Variants in RBFOX1 observed in about 807,000 individuals in gnomAD.
RBFOX1 encodes RNA binding fox-1 homolog 1.
Under a neutral mutation model 57.7 loss-of-function variants are expected in RBFOX1, and 8 were observed. The ratio of observed to expected loss-of-function variants is 0.14; its 90% CI spans 0.08 to 0.25. The LOEUF (loss-of-function observed/expected upper bound fraction) is 0.25, where lower values mean the gene tolerates loss of function less well. Among genes scored for constraint, RBFOX1 ranks in the 10% least tolerant of loss-of-function variants. The pLI is 1.00. For missense variants in RBFOX1, 611 were observed against 548.5 expected, an observed-to-expected ratio of 1.11 and a Z score of -1.14; for synonymous variants, 326 against 222.4, an observed-to-expected ratio of 1.47 and a Z score of -4.15.
intron 3 of RBFOX1, among the ~76,000 whole-genome samples, chr16:6,875,131 T>G (rs2061603902): frequency 6.6e-6 from 1 of 152,184 alleles, no homozygotes; most frequent in African/African-American, 2.4e-5. Context: ...CTAAGTTGCT[T>G]ATACCATTTA....
rs149678766 is a variant in RBFOX1, at chr16:6,563,232, A to G, written c.-63-91371A>G. 8.6e-3 allele frequency among the ~76,000 whole-genome samples: 1,307 copies of G among 152,230 alleles called. 23 individuals are homozygous for G. The highest frequency in any genetic ancestry group is 0.029 in the African/African-American group (1,224 of 41,548). The stretch of plus-strand genomic sequence containing the variant: ...ACTGCGTGACTTCCAAGACAATTTT[A>G]GCATCCTGTGCAACACGCATGAGAT... On this transcript the variant is annotated intron_variant, in intron 2 of 15. Transcript: ENST00000550418.
At chr16:6,545,130 C>G (rs922606950) in intron 2 of RBFOX1, among the ~76,000 whole-genome samples, 1 of 152,134 alleles carries the variant, frequency 6.6e-6, no homozygotes, top group Non-Finnish European at 1.5e-5. Flanking sequence ...AATCCGCGTA[C>G]TTTTTCCCTA....
intron 2 of RBFOX1, among the ~76,000 whole-genome samples, chr16:6,460,921 G>C (rs1447504079): frequency 6.6e-6 from 1 of 151,686 alleles, no homozygotes; most frequent in Non-Finnish European, 1.5e-5. Context: ...ATACTATGCA[G>C]CCATAAAAAG....
At chr16:5,749,845 T>C (rs536312524) in intron 3 of RBFOX1, among the ~76,000 whole-genome samples, 3 of 152,332 alleles carry the variant, frequency 2.0e-5, no homozygotes, top group African/African-American at 4.8e-5. Flanking sequence ...TTTGATCGTC[T>C]GAAGCCTTCT....
chr16:5,535,893 C>A (rs870289), intron 2 of RBFOX1, among the ~76,000 whole-genome samples: 1 of 151,638 alleles, frequency 6.6e-6, no homozygotes, highest in African/African-American at 2.4e-5. Flanking sequence ...GAGGGGCGTA[C>A]TGTAAGAGTC....
chr16:7,556,685 C>T (rs1233011776), intron 5 of RBFOX1, among the ~76,000 whole-genome samples: 2 of 152,166 alleles, frequency 1.3e-5, no homozygotes, highest in East Asian at 3.9e-4. Flanking sequence ...CTCCTATCTG[C>T]TAGCTATATG....
chr16:6,946,280 A>G (rs1405270169), intron 3 of RBFOX1, among the ~76,000 whole-genome samples: 1 of 152,224 alleles, frequency 6.6e-6, no homozygotes, highest in East Asian at 1.9e-4. Context: ...GCCATAGACA[A>G]TAACATATGG....
At position 6,280,809 on chromosome 16, in the gene RBFOX1, A is replaced by G. The variant is rs549157209; in HGVS notation, c.-126-36186A>G. On this transcript the variant is annotated intron_variant, in intron 1 of 15. Transcript: ENST00000550418. The stretch of plus-strand genomic sequence containing the variant: ...ACACTGAACAGGGGCTTGCTTACCA[A>G]CAGAAAATCCCGAGGACACATACTA... Among the ~76,000 whole-genome samples, 39 of 152,138 alleles carry G rather than the reference A, an allele frequency of 2.6e-4. No homozygotes were observed. In the South Asian group the frequency reaches 7.9e-3, roughly 31 times the overall value.
chr16:5,610,230 C>G (rs1411982530), intron 3 of RBFOX1: 2 of 152,270 alleles, frequency 1.3e-5, no homozygotes, highest in Admixed American at 6.5e-5. Flanking sequence ...TATGCCTGTG[C>G]CTGCATGTAA....
At chr16:5,634,551 C>G (rs1471394245) in intron 3 of RBFOX1, among the ~76,000 whole-genome samples, 2 of 152,042 alleles carry the variant, frequency 1.3e-5, no homozygotes, top group Non-Finnish European at 2.9e-5. Flanking sequence ...ATATCTATCC[C>G]TTCTGGAATT....
intron 1 of RBFOX1, among the ~76,000 whole-genome samples, chr16:5,345,935 C>A (rs866483233): frequency 6.6e-6 from 1 of 152,204 alleles, no homozygotes; most frequent in Non-Finnish European, 1.5e-5. Flanking sequence ...AGAAACCCTG[C>A]TAATTATGCC....
At chr16:7,199,023 G>C (rs528735379) in intron 4 of RBFOX1, among the ~76,000 whole-genome samples, 2 of 152,254 alleles carry the variant, frequency 1.3e-5, no homozygotes, top group Admixed American at 1.3e-4. Context: ...CAAGCACCAG[G>C]ACTGAGTTTC....
At chr16:6,742,815 A>G (rs1052512240) in intron 3 of RBFOX1, among the ~76,000 whole-genome samples, 4 of 152,170 alleles carry the variant, frequency 2.6e-5, no homozygotes, top group African/African-American at 4.8e-5. Context: ...CATAGTTGCC[A>G]GTATGGTGGG....
At chr16:6,456,620 G>T (rs1212413547) in intron 2 of RBFOX1, among the ~76,000 whole-genome samples, 6 of 152,196 alleles carry the variant, frequency 3.9e-5, no homozygotes, top group Non-Finnish European at 7.3e-5. Flanking sequence ...TCCCTGCAGT[G>T]TGGAGAATGG....
At position 6,831,928 on chromosome 16, in the gene RBFOX1, C is replaced by G. The variant is rs2092736983; in HGVS notation, c.-16+177278C>G. 2.0e-5 allele frequency among the ~76,000 whole-genome samples: 3 copies of G among 152,138 alleles called. No homozygotes were observed. The South Asian group carries it at 6.2e-4, about 31-fold the overall frequency. On this transcript the variant is annotated intron_variant, in intron 3 of 15. Coordinates refer to ENST00000550418, the MANE Select transcript of RBFOX1 (RefSeq NM_018723.4). ...TCTGACGAAGAACTTACAGTTCTCT[C>G]TAAAGGGGTGGAATAAAATTGCTAT...
intron 2 of RBFOX1, among the ~76,000 whole-genome samples, chr16:5,595,055 A>G (rs1036073957): frequency 6.6e-6 from 1 of 150,818 alleles, no homozygotes; most frequent in Non-Finnish European, 1.5e-5. Context: ...CTGAGGCAGG[A>G]GAATTGTTTG....
At chr16:5,461,669 G>T (rs1013980419) in intron 1 of RBFOX1, among the ~76,000 whole-genome samples, 3 of 152,122 alleles carry the variant, frequency 2.0e-5, no homozygotes, top group Non-Finnish European at 4.4e-5. Context: ...AATAGACCTG[G>T]TGGCCACGGT....
intron 2 of RBFOX1, among the ~76,000 whole-genome samples, chr16:6,612,151 CTTTTA>C (rs563957198): frequency 4.8e-4 from 73 of 152,216 alleles, no homozygotes; most frequent in African/African-American, 1.6e-3. Flanking sequence ...ATTTGCTCAT[CTTTTA>C]TTTTCTGTTT....
intron 5 of RBFOX1, among the ~76,000 whole-genome samples, chr16:7,552,254 C>T (rs1483842803): frequency 6.6e-6 from 1 of 152,076 alleles, no homozygotes; most frequent in Non-Finnish European, 1.5e-5. Flanking sequence ...AGGTATGCTT[C>T]TTTATTTCCA....
Sources: allele counts gnomAD v4.1 joint callset (sites outside exome capture counted in the v4.1 genomes callset), GRCh38; gene constraint gnomAD v4.1.1; transcripts MANE v1.5; gene names NCBI Gene and HGNC (gene_info 2026-07-23, HGNC 2026-07-21).